Variants in NDUFV1 observed in about 807,000 individuals in gnomAD.
NDUFV1 encodes NADH dehydrogenase [ubiquinone] flavoprotein 1, mitochondrial.
Under a neutral mutation model 48.7 loss-of-function variants are expected in NDUFV1, and 41 were observed. The ratio of observed to expected loss-of-function variants is 0.84; its 90% CI spans 0.66 to 1.09. The LOEUF (loss-of-function observed/expected upper bound fraction) is 1.09, where lower values mean the gene tolerates loss of function less well. Among genes scored for constraint, NDUFV1 ranks in the 50% least tolerant of loss-of-function variants. The pLI, the probability that NDUFV1 is intolerant of heterozygous loss-of-function variation, is 0.00. For missense variants in NDUFV1, 580 were observed against 645.4 expected (o/e 0.90, Z 1.10); for synonymous variants, 231 against 259.1 (o/e 0.89, Z 1.04).
Position 67,611,155 on chromosome 11 carries a change from T to G in NDUFV1, c.861T>G (p.Thr287=). 1 of 1,614,146 alleles carries G rather than the reference T, an allele frequency of 6.2e-7. No individual in the cohort carries two copies. The highest frequency in any genetic ancestry group is 8.5e-7 in the Non-Finnish European group (1 of 1,180,020). ...CTGGCCATGTCAACCACCCTTGCAC[T>G]GTGGAGGAGGAGATGTCTGTGCCCT... ...NISGHVNHPC[T]VEEEMSVPLK... The change falls in exon 6 of 10, where the codon ACT becomes ACG. Residue 287 remains threonine (T), a synonymous_variant. Coordinates refer to ENST00000322776, the MANE Select transcript of NDUFV1 (RefSeq NM_007103.4). The surrounding 1 kb of genome is among the most constrained non-coding windows in gnomAD (Gnocchi z 4.2).
At chr11:67,609,371 C>T (rs543836319) in intron 3 of NDUFV1, 81 bp from the exon 4 acceptor site, 1 of 1,474,712 alleles carries the variant, frequency 6.8e-7, no homozygotes, top group Admixed American at 1.7e-5. Flanking sequence ...TTGAGGCCTC[C>T]CTGGGTGGAG....
chr11:67,609,834 TA>T, intron 4 of NDUFV1, 199 bp downstream of exon 4: 1 of 550,482 alleles, frequency 1.8e-6, no homozygotes, highest in South Asian at 3.1e-5. Flanking sequence ...GCTGCTGGTG[TA>T]AATTTTTTTT....
Position 67,609,508 on chromosome 11 carries a change from G to A in NDUFV1, c.383G>A (p.Arg128Gln), listed in dbSNP as rs778295360. The A allele has an allele frequency of 5.0e-6, 8 of 1,613,378 alleles. No individual in the cohort carries two copies. Among genetic ancestry groups the A allele is most frequent in the South Asian group, 2.2e-5 (2 of 91,068 alleles). The change falls in exon 4 of 10, where the codon CGG becomes CAG. Residue 128 changes from arginine to glutamine, a missense_variant. Coordinates refer to ENST00000322776, the MANE Select transcript of NDUFV1 (RefSeq NM_007103.4). ...DEGEPGTCKD[R>Q]EILRHDPHKL... ...GGGGAGCCGGGCACCTGCAAGGACC[G>A]GGAGATCTTACGCCATGATCCTCAC...
chr11:67,607,069 G>A lies in NDUFV1; in HGVS notation c.65G>A (p.Gly22Asp). Residue 22 changes from glycine (G) to aspartate (D), a missense_variant, in exon 1 of 10, where the codon GGC becomes GAC. Gly to Asp is a moderately conservative substitution (Grantham distance 94). Transcript: ENST00000322776. ...LPARVSVRFS[G>D]DTTAPKKTSF... is the part of the protein sequence containing the mutation. Reference sequence around the variant, plus strand: ...GCGCGGGTATCTGTGCGTTTCAGCGGCGACACGGTGAGGCCCAGCCTGGCT... The same window carrying A: ...GCGCGGGTATCTGTGCGTTTCAGCGACGACACGGTGAGGCCCAGCCTGGCT... 1.9e-6 allele frequency: 3 copies of A among 1,606,872 alleles called. No individual in the cohort carries two copies. In the Middle Eastern group the frequency reaches 5.0e-4, roughly 266 times the overall value.
At position 67,607,074 on chromosome 11, in the gene NDUFV1, A is replaced by G. The variant is rs1167575639; in HGVS notation, c.70A>G (p.Thr24Ala). 4 of 1,606,104 alleles carry G rather than the reference A, an allele frequency of 2.5e-6. No individual in the cohort carries two copies. The Admixed American group carries it at 6.7e-5, about 27-fold the overall frequency. ...GGTATCTGTGCGTTTCAGCGGCGAC[A>G]CGGTGAGGCCCAGCCTGGCTGGGGC... ...ARVSVRFSGD[T>A]TAPKKTSFGS... Residue 24 changes from threonine to alanine, a missense_variant and splice_region_variant, in exon 1 of 10, where the codon ACG becomes GCG. Transcript: ENST00000322776.
Position 67,611,046 on chromosome 11 carries a change from C to G in NDUFV1, c.752C>G (p.Ser251Cys). ...TVANVETVAV[S>C]PTICRRGGTW... is the part of the protein sequence containing the mutation. ...GCCAACGTGGAGACAGTGGCAGTGT[C>G]CCCCACAATCTGCCGCCGTGGAGGT... The change falls in exon 6 of 10, where the codon TCC becomes TGC. Residue 251 changes from serine to cysteine, a missense_variant. Physicochemically the swap from Ser to Cys is moderately radical, Grantham distance 112 (BLOSUM62 -1). Transcript: ENST00000322776. This position sits in a 1 kb window ranked among gnomAD's most constrained non-coding sequence, Gnocchi z 4.2. The G allele has an allele frequency of 6.2e-7, 1 of 1,614,144 alleles. No individual in the cohort carries two copies. Among genetic ancestry groups the G allele is most frequent in the Non-Finnish European group, 8.5e-7 (1 of 1,179,974 alleles).
chr11:67,608,394 A>G lies in NDUFV1; in HGVS notation c.73-2A>G. 1 of 1,613,744 alleles carries G rather than the reference A, an allele frequency of 6.2e-7. No individual in the cohort carries two copies. Among genetic ancestry groups the G allele is most frequent in the Non-Finnish European group, 8.5e-7 (1 of 1,179,694 alleles). On this transcript the variant is annotated splice_acceptor_variant, in intron 1 of 9. Coordinates refer to ENST00000322776, the MANE Select transcript of NDUFV1 (RefSeq NM_007103.4). LOFTEE classifies it high-confidence loss of function. ...GGGCCTCCTGACCCTTTGTCTCCCT[A>G]GACAGCACCCAAGAAAACCTCATTT... is the stretch of plus-strand genomic sequence containing the variant.
Position 67,608,713 on chromosome 11 carries a change from C to T in NDUFV1, c.317C>T (p.Ser106Leu), listed in dbSNP as rs1299538668. 2.5e-6 allele frequency: 4 copies of T among 1,613,902 alleles called. No individual in the cohort carries two copies. Among genetic ancestry groups the T allele is most frequent in the African/African-American group, 2.7e-5 (2 of 75,030 alleles). Residue 106 changes from serine to leucine, a missense_variant, in exon 3 of 10, where the codon TCA (serine) becomes TTA (leucine). Coordinates refer to ENST00000322776, the MANE Select transcript of NDUFV1 (RefSeq NM_007103.4). Reference protein sequence around the residue: ...GLKWSFMNKPSDGRPKYLVVN... With the variant: ...GLKWSFMNKPLDGRPKYLVVN... ...AAGTGGAGCTTCATGAATAAGCCCT[C>T]AGATGGCAGGTGTGTGTGTGGGGGC...
rs1448268952 is a variant in NDUFV1, at chr11:67,610,428, T to C, written c.558T>C (p.Ala186=). ...AGGCAGGTCTGATTGGCAAGAATGC[T>C]TGTGGCTCTGGCTATGATTTTGACG... ...AYEAGLIGKN[A]CGSGYDFDVF... is the part of the protein sequence containing the mutation. The change falls in exon 5 of 10, where the codon GCT becomes GCC. Residue 186 remains alanine (A), a synonymous_variant. Transcript: ENST00000322776. The C allele has an allele frequency of 3.1e-6, 5 of 1,614,076 alleles. No homozygotes were observed. The highest frequency in any genetic ancestry group is 2.7e-5 in the African/African-American group (2 of 74,922).
chr11:67,608,318 C>A, intron 1 of NDUFV1, 78 bp from the exon 2 acceptor site: 1 of 1,385,884 alleles, frequency 7.2e-7, no homozygotes, highest in East Asian at 2.3e-5. Context: ...AATAGGGAGA[C>A]CCAAGATTCT....
rs748973208 is a variant in NDUFV1, at chr11:67,612,485, G to A, written c.*27G>A. On this transcript the variant is annotated 3_prime_UTR_variant, in exon 10 of 10. Transcript: ENST00000322776. This position sits in a 1 kb window ranked among gnomAD's most constrained non-coding sequence, Gnocchi z 4.4. ...CCACCACCCTGGCCTGCTGTCCTGC[G>A]TCTATCCATGTGGAATGCTGGACAA... 99 of 1,601,808 alleles carry A rather than the reference G, an allele frequency of 6.2e-5. 1 individual carries two copies. The South Asian group carries it at 9.8e-4, about 16-fold the overall frequency.
At chr11:67,610,872 AATG>A in intron 5 of NDUFV1, 120 bp from the exon 6 acceptor site, 1 of 969,206 alleles carries the variant, frequency 1.0e-6, no homozygotes, top group Non-Finnish European at 1.6e-6. Context: ...CAGGGATAAG[AATG>A]ATAAGGGGAT....
At position 67,608,402 on chromosome 11, in the gene NDUFV1, C is replaced by G; in HGVS notation, c.79C>G (p.Pro27Ala). The change falls in exon 2 of 10, where the codon CCC becomes GCC. Residue 27 changes from proline (P) to alanine (A), a missense_variant. By Grantham distance (27) the Pro-to-Ala change is conservative (BLOSUM62 -1). Transcript: ENST00000322776. ...TGACCCTTTGTCTCCCTAGACAGCA[C>G]CCAAGAAAACCTCATTTGGCTCGCT... is the stretch of plus-strand genomic sequence containing the variant. ...SVRFSGDTTA[P>A]KKTSFGSLKD... 6.2e-7 allele frequency: 1 copy of G among 1,614,004 alleles called. No individual in the cohort carries two copies. The highest frequency in any genetic ancestry group is 8.5e-7 in the Non-Finnish European group (1 of 1,179,926).
In NDUFV1 at chr11:67,612,266, G is replaced by T. The variant is rs1854935044; in HGVS notation, c.1308+1G>T. The T allele has an allele frequency of 6.2e-7, 1 of 1,613,992 alleles. No individual in the cohort carries two copies. Among genetic ancestry groups the T allele is most frequent in the Non-Finnish European group, 8.5e-7 (1 of 1,179,944 alleles). ...TGACGGGGCCGCCTGGCCTGTGCAG[G>T]TATTCACCACCCTTCTGCGTAGCAC... On this transcript the variant is annotated splice_donor_variant, in intron 9 of 9. Transcript: ENST00000322776. LOFTEE classifies it high-confidence loss of function. This position sits in a 1 kb window ranked among gnomAD's most constrained non-coding sequence, Gnocchi z 4.4.
Position 67,609,591 on chromosome 11 carries a change from A to G in NDUFV1, c.466A>G (p.Ile156Val), listed in dbSNP as rs774454222. 9 of 1,610,236 alleles carry G rather than the reference A, an allele frequency of 5.6e-6. No individual in the cohort carries two copies. The highest frequency in any genetic ancestry group is 4.5e-5 in the East Asian group (2 of 44,896). ...GRAMGARAAY[I>V]YIRGEFYNEA... ...GGCCATGGGCGCCCGCGCTGCCTAT[A>G]TCTACATCCGAGGGGAATTCTACAA... Residue 156 changes from isoleucine to valine, a missense_variant, in exon 4 of 10, where the codon ATC (isoleucine) becomes GTC (valine). Transcript: ENST00000322776.
chr11:67,610,446 T>C lies in NDUFV1; in HGVS notation c.576T>C (p.Asp192=), dbSNP rs750109953. ...IGKNACGSGY[D]FDVFVVRGAG... The stretch of plus-strand genomic sequence containing the variant: ...AGAATGCTTGTGGCTCTGGCTATGA[T>C]TTTGACGTGTTTGTGGTGCGCGGGG... The change falls in exon 5 of 10, where the codon GAT becomes GAC. Residue 192 remains aspartate (D), a synonymous_variant. Transcript: ENST00000322776. The C allele has an allele frequency of 3.7e-5, 60 of 1,613,968 alleles. No individual in the cohort carries two copies. The highest frequency in any genetic ancestry group is 4.7e-5 in the Non-Finnish European group (55 of 1,180,030).
At position 67,611,228 on chromosome 11, in the gene NDUFV1, G is replaced by C. The variant is rs369359680; in HGVS notation, c.913+21G>C. 1.2e-5 allele frequency: 19 copies of C among 1,612,954 alleles called. No homozygotes were observed. In the African/African-American group the frequency reaches 2.5e-4, roughly 22 times the overall value. On this transcript the variant is annotated intron_variant, in intron 6 of 9. Coordinates refer to ENST00000322776, the MANE Select transcript of NDUFV1 (RefSeq NM_007103.4). This position sits in a 1 kb window ranked among gnomAD's most constrained non-coding sequence, Gnocchi z 4.2. ...TGCTGGTAAGGCCTGGGGCCAGCCA[G>C]GTGGTGGGGGGGTGCGCAGTGGGGG...
intron 5 of NDUFV1, 177 bp from the exon 6 acceptor site, chr11:67,610,818 T>G: frequency 1.3e-6 from 1 of 772,190 alleles, no homozygotes; most frequent in Non-Finnish European, 2.1e-6. Context: ...GCTAAGGGCA[T>G]GGGGTGAACA....
chr11:67,607,964 C>T lies in NDUFV1; in HGVS notation c.73-432C>T, dbSNP rs373070951. 4.4e-4 allele frequency among the ~76,000 whole-genome samples: 67 copies of T among 152,320 alleles called. 2 individuals are homozygous for T. In the South Asian group the frequency reaches 0.013, roughly 30 times the overall value. On this transcript the variant is annotated intron_variant, in intron 1 of 9. Transcript: ENST00000322776. ...ACTAATGGCCGGGCGCGGTGGCTCA[C>T]GCCTGTAATCCCAGCACTTTGGGAG...
Sources: allele counts gnomAD v4.1 joint callset (sites outside exome capture counted in the v4.1 genomes callset), GRCh38; gene constraint gnomAD v4.1.1; non-coding constraint Gnocchi (gnomAD v3.1); transcripts MANE v1.5; gene names NCBI Gene and HGNC (gene_info 2026-07-23, HGNC 2026-07-21).